The following SLC6A3 variants were observed in gnomAD, a reference collection of about 807,000 sequenced individuals.
SLC6A3 encodes solute carrier family 6 member 3, also known as sodium-dependent dopamine transporter.
A neutral mutation model predicts 70.4 loss-of-function variants in SLC6A3; 19 were observed. That is an observed-to-expected ratio of 0.27 (90% CI 0.19 to 0.40). The LOEUF (loss-of-function observed/expected upper bound fraction) is 0.40. Among genes scored for constraint, SLC6A3 ranks in the 10% least tolerant of loss-of-function variants. The pLI, the probability that SLC6A3 is intolerant of heterozygous loss-of-function variation, is 1.00. For synonymous variants in SLC6A3, 368 were observed against 356.6 expected (o/e 1.03, Z -0.36); for missense variants, 613 against 838.5 (o/e 0.73, Z 3.32).
rs140894385 is a variant in SLC6A3, at chr5:1,402,631, T to G, written c.1767+291A>C. ...CATACAGACACAGAGATACAGTGGA[T>G]GTACACACAGGCACAAGCACACACA... On this transcript the variant is annotated intron_variant, in intron 13 of 14. Coordinates refer to ENST00000270349, the MANE Select transcript of SLC6A3 (RefSeq NM_001044.5). The surrounding 1 kb of genome is among the most constrained non-coding windows in gnomAD (Gnocchi z 8.5). 2.1e-3 allele frequency among the ~76,000 whole-genome samples: 320 copies of G among 152,142 alleles called. 2 individuals are homozygous for G. The highest frequency in any genetic ancestry group is 3.8e-3 in the Non-Finnish European group (261 of 68,004).
In SLC6A3 at chr5:1,404,554, T is replaced by G. The variant is rs1755926336; in HGVS notation, c.1600-1465A>C. ...CGGCATAATTTCCCTTTAGCAGTGC[T>G]GTGGCATCATCTGCCACAGAGTCAT... On this transcript the variant is annotated intron_variant, in intron 12 of 14. Transcript: ENST00000270349. The surrounding 1 kb of genome is among the most constrained non-coding windows in gnomAD (Gnocchi z 5.2). Among the ~76,000 whole-genome samples the G allele has an allele frequency of 6.6e-6, 1 of 152,262 alleles. No homozygotes were observed. Among genetic ancestry groups the G allele is most frequent in the Non-Finnish European group, 1.5e-5 (1 of 68,052 alleles).
Position 1,410,851 on chromosome 5 carries a change from CATGT to C in SLC6A3, c.1269+388_1269+391del, listed in dbSNP as rs569448356. 5.1e-3 allele frequency among the ~76,000 whole-genome samples: 780 copies of C among 151,570 alleles called. 2 individuals carry two copies. Among genetic ancestry groups the C allele is most frequent in the Non-Finnish European group, 7.5e-3 (512 of 67,850 alleles). On this transcript the variant is annotated intron_variant, in intron 9 of 14. Transcript: ENST00000270349. ...GTGCATGTGTGTGTTCGTGTGTGTT[CATGT>C]ATGTGTGCGTGTGTGCATGTGTGTA...
chr5:1,394,995 A>G lies in SLC6A3; in HGVS notation c.1840-237T>C, dbSNP rs563169288. On this transcript the variant is annotated intron_variant, in intron 14 of 14. Transcript: ENST00000270349. This position sits in a 1 kb window ranked among gnomAD's most constrained non-coding sequence, Gnocchi z 4.7. ...TCAATCATTACTTGATTTTTTAAAA[A>G]GCCGCGAGACTGTGGTTGGCGTGGT... is the stretch of plus-strand genomic sequence containing the variant. Among the ~76,000 whole-genome samples the G allele has an allele frequency of 6.6e-6, 1 of 152,318 alleles. No homozygotes were observed. Among genetic ancestry groups the G allele is most frequent in the African/African-American group, 2.4e-5 (1 of 41,568 alleles).
At position 1,443,177 on chromosome 5, in the gene SLC6A3, G is replaced by C. The variant is rs555623170; in HGVS notation, c.21C>G (p.Ser7=). 6 of 1,614,208 alleles carry C rather than the reference G, an allele frequency of 3.7e-6. No individual in the cohort carries two copies. The highest frequency in any genetic ancestry group is 5.1e-6 in the Non-Finnish European group (6 of 1,180,030). The part of the protein sequence containing the change: MSKSKC[S]VGLMSSVVAP... ...CCACCACGGAAGACATGAGTCCCAC[G>C]GAGCATTTGCTCTTACTCATGGGCA... Residue 7 remains serine (S), a synonymous_variant, in exon 2 of 15, where the codon TCC becomes TCG. Transcript: ENST00000270349.
intron 4 of SLC6A3, among the ~76,000 whole-genome samples, chr5:1,428,622 G>A (rs1289138711): frequency 6.6e-6 from 1 of 152,176 alleles, no homozygotes; most frequent in East Asian, 1.9e-4. Flanking sequence ...AGAAGGAAGT[G>A]GCAATGCAGG....
chr5:1,405,396 G>A lies in SLC6A3; in HGVS notation c.1599+792C>T, dbSNP rs1033125918. 4.6e-5 allele frequency among the ~76,000 whole-genome samples: 7 copies of A among 152,232 alleles called. No homozygotes were observed. The East Asian group carries it at 1.3e-3, about 29-fold the overall frequency. The stretch of plus-strand genomic sequence containing the variant: ...ACTCCGGGACCAGCCCTTGGTCCAT[G>A]AGAGGGTGCGGCCTGAGTCCCCTGC... On this transcript the variant is annotated intron_variant, in intron 12 of 14. Coordinates refer to ENST00000270349, the MANE Select transcript of SLC6A3 (RefSeq NM_001044.5). The surrounding 1 kb of genome is among the most constrained non-coding windows in gnomAD (Gnocchi z 5.3).
intron 12 of SLC6A3, among the ~76,000 whole-genome samples, chr5:1,403,711 C>T (rs1260972129): frequency 3.3e-5 from 5 of 152,040 alleles, no homozygotes; most frequent in African/African-American, 7.2e-5. Flanking sequence ...ATCTGAGCTC[C>T]GTATCTCTAC....
At position 1,397,855 on chromosome 5, in the gene SLC6A3, A is replaced by G. The variant is rs889318434; in HGVS notation, c.1839+3060T>C. 1.8e-4 allele frequency among the ~76,000 whole-genome samples: 28 copies of G among 152,250 alleles called. No homozygotes were observed. The highest frequency in any genetic ancestry group is 2.8e-4 in the Non-Finnish European group (19 of 68,046). On this transcript the variant is annotated intron_variant, in intron 14 of 14. Coordinates refer to ENST00000270349, the MANE Select transcript of SLC6A3 (RefSeq NM_001044.5). The surrounding 1 kb of genome is among the most constrained non-coding windows in gnomAD (Gnocchi z 4.7). Reference sequence around the variant, plus strand: ...AAGCATGCACATTAGTCCAAGGAACATGATGAGTCCGTACAAAATAATAAC... The same window carrying G: ...AAGCATGCACATTAGTCCAAGGAACGTGATGAGTCCGTACAAAATAATAAC...
chr5:1,410,163 G>A (rs775985973), intron 9 of SLC6A3, among the ~76,000 whole-genome samples: 25 of 152,222 alleles, frequency 1.6e-4, no homozygotes, highest in Admixed American at 2.0e-4. Context: ...CACTGCTGCT[G>A]CACGGGCTCA....
chr5:1,423,269 C>G (rs1173397889), intron 4 of SLC6A3, among the ~76,000 whole-genome samples: 1 of 91,620 alleles, frequency 1.1e-5, no homozygotes, highest in African/African-American at 3.7e-5. Context: ...CTGCTGCCCA[C>G]AGTGCTGCCC....
At position 1,405,610 on chromosome 5, in the gene SLC6A3, A is replaced by G. The variant is rs28363118; in HGVS notation, c.1599+578T>C. Among the ~76,000 whole-genome samples the G allele has an allele frequency of 2.0e-3, 300 of 152,304 alleles. 7 individuals are homozygous for G. The South Asian group carries it at 0.048, about 24-fold the overall frequency. On this transcript the variant is annotated intron_variant, in intron 12 of 14. Transcript: ENST00000270349. The surrounding 1 kb of genome is among the most constrained non-coding windows in gnomAD (Gnocchi z 5.3). ...GGGGAAGCACTGCAGGCAATCCCTA[A>G]TGAAAGTGTGCGGCCACCTTCCAAC... is the stretch of plus-strand genomic sequence containing the variant.
At position 1,409,755 on chromosome 5, in the gene SLC6A3, G is replaced by A. The variant is rs370907238; in HGVS notation, c.1364C>T (p.Ala455Val). ...RELFTLFIVLATFLLSLFCVT... is the reference protein window; with the variant it reads ...RELFTLFIVLVTFLLSLFCVT... ...GCAGAACAGGGACAGGAGGAAGGTCGCCAGGACGATGAAGAGCGTGAAGAG... is the reference window on the plus strand; with the variant it reads ...GCAGAACAGGGACAGGAGGAAGGTCACCAGGACGATGAAGAGCGTGAAGAG... The change falls in exon 10 of 15, where the codon GCG becomes GTG. Residue 455 changes from alanine (A) to valine (V), a missense_variant. By Grantham distance (64) the Ala-to-Val change is moderately conservative (BLOSUM62 0). Around this residue, in one of 4 missense-constraint regions of SLC6A3, gnomAD observed 348 missense variants for 481.2 expected, o/e 0.72. Coordinates refer to ENST00000270349, the MANE Select transcript of SLC6A3 (RefSeq NM_001044.5). The A allele has an allele frequency of 2.7e-5, 44 of 1,613,304 alleles. No homozygotes were observed. The highest frequency in any genetic ancestry group is 8.0e-5 in the African/African-American group (6 of 74,956).
At chr5:1,435,474 G>A (rs1201740851) in intron 3 of SLC6A3, among the ~76,000 whole-genome samples, 1 of 152,258 alleles carries the variant, frequency 6.6e-6, no homozygotes, top group African/African-American at 2.4e-5. Context: ...GGTCCTTCCA[G>A]AGCCACTGCT....
Position 1,438,549 on chromosome 5 carries a change from C to G in SLC6A3, c.418+2810G>C, listed in dbSNP as rs927238789. On this transcript the variant is annotated intron_variant, in intron 3 of 14. Coordinates refer to ENST00000270349, the MANE Select transcript of SLC6A3 (RefSeq NM_001044.5). This position sits in a 1 kb window ranked among gnomAD's most constrained non-coding sequence, Gnocchi z 6.5. ...GAAATTCTTAGAAATTGCTTCTTGACATTTTATGGACTACACCATGAAGAC... is the reference window on the plus strand; with the variant it reads ...GAAATTCTTAGAAATTGCTTCTTGAGATTTTATGGACTACACCATGAAGAC... Among the ~76,000 whole-genome samples the G allele has an allele frequency of 6.6e-6, 1 of 152,230 alleles. No individual in the cohort carries two copies. Among genetic ancestry groups the G allele is most frequent in the African/African-American group, 2.4e-5 (1 of 41,460 alleles).
intron 3 of SLC6A3, among the ~76,000 whole-genome samples, chr5:1,435,784 C>T (rs111621452): frequency 2.9e-4 from 31 of 106,066 alleles, no homozygotes; most frequent in South Asian, 1.1e-3. Context: ...AAATGGCTCC[C>T]TTGAACGGTG....
chr5:1,394,910 T>A lies in SLC6A3; in HGVS notation c.1840-152A>T, dbSNP rs959959438. On this transcript the variant is annotated intron_variant, in intron 14 of 14. Transcript: ENST00000270349. This position sits in a 1 kb window ranked among gnomAD's most constrained non-coding sequence, Gnocchi z 4.7. Reference sequence around the variant, plus strand: ...GAGAAGGGGAGGCTCACTGGGGGCCTGGACCAACACACCCTTGACAGGTGC... The same window carrying A: ...GAGAAGGGGAGGCTCACTGGGGGCCAGGACCAACACACCCTTGACAGGTGC... 13 of 783,820 alleles carry A rather than the reference T, an allele frequency of 1.7e-5. No individual in the cohort carries two copies. The highest frequency in any genetic ancestry group is 2.9e-5 in the Non-Finnish European group (13 of 448,056). 48.6% of individuals were successfully genotyped at this position (783,820 alleles called of 1,614,324 possible).
rs1755712025 is a variant in SLC6A3, at chr5:1,396,120, A to G, written c.1840-1362T>C. On this transcript the variant is annotated intron_variant, in intron 14 of 14. Coordinates refer to ENST00000270349, the MANE Select transcript of SLC6A3 (RefSeq NM_001044.5). The surrounding 1 kb of genome is among the most constrained non-coding windows in gnomAD (Gnocchi z 7.0). ...AGCAGAGCACACGCAGCTTCCAGAG[A>G]TGAAGTAGAAAAGAGAATGGCTGGG... 6.6e-6 allele frequency among the ~76,000 whole-genome samples: 1 copy of G among 152,166 alleles called. No individual in the cohort carries two copies. The highest frequency in any genetic ancestry group is 1.5e-5 in the Non-Finnish European group (1 of 68,022).
Position 1,424,717 on chromosome 5 carries a change from C to A in SLC6A3, c.654-2703G>T, listed in dbSNP as rs113539376. Among the ~76,000 whole-genome samples, 924 of 152,370 alleles carry A rather than the reference C, an allele frequency of 6.1e-3. 9 individuals carry two copies. The highest frequency in any genetic ancestry group is 0.021 in the African/African-American group (878 of 41,586). On this transcript the variant is annotated intron_variant, in intron 4 of 14. Coordinates refer to ENST00000270349, the MANE Select transcript of SLC6A3 (RefSeq NM_001044.5). Reference sequence around the variant, plus strand: ...CCTTCTCACAAGGTTGCGTCCACAGCACACACAGCTGGCTCAGCATTAAAC... The same window carrying A: ...CCTTCTCACAAGGTTGCGTCCACAGAACACACAGCTGGCTCAGCATTAAAC...
intron 7 of SLC6A3, among the ~76,000 whole-genome samples, chr5:1,415,413 G>A (rs1756265629): frequency 6.6e-6 from 1 of 152,166 alleles, no homozygotes; most frequent in Non-Finnish European, 1.5e-5. Flanking sequence ...CTGGACCCAG[G>A]TGGACGCAGG....
Sources: allele counts gnomAD v4.1 joint callset (sites outside exome capture counted in the v4.1 genomes callset), GRCh38; gene constraint gnomAD v4.1.1; regional missense constraint gnomAD v4.1.1; non-coding constraint Gnocchi (gnomAD v3.1); transcripts MANE v1.5; gene names NCBI Gene and HGNC (gene_info 2026-07-23, HGNC 2026-07-21).